The following SMIM26 variants were observed in gnomAD, a reference collection of about 807,000 sequenced individuals.
SMIM26 encodes the protein long intergenic non-protein coding RNA 493.
Under a neutral mutation model 2.5 loss-of-function variants are expected in SMIM26, and 2 were observed. That is an observed-to-expected ratio of 0.80 (90% CI 0.33 to 2.53). The LOEUF (loss-of-function observed/expected upper bound fraction) is 2.53. Among genes scored for constraint, SMIM26 ranks in the 30% most tolerant of loss-of-function variants. The pLI is 0.11. For synonymous variants in SMIM26, 32 were observed against 17.8 expected, an observed-to-expected ratio of 1.80 and a Z score of -2.01; for missense variants, 77 against 46.1, an observed-to-expected ratio of 1.67 and a Z score of -1.94.
chr20:18,568,545 AT>A (rs1179380715), intron 1 of SMIM26: 4 of 151,380 alleles, frequency 2.6e-5, no homozygotes, highest in Non-Finnish European at 5.9e-5. Flanking sequence ...TATGGTAAAA[AT>A]ACTTTACATT....
In SMIM26 at chr20:18,569,317, T is replaced by G; in HGVS notation, c.200T>G (p.Val67Gly). 1 of 702,870 alleles carries G rather than the reference T, an allele frequency of 1.4e-6. No individual in the cohort carries two copies. Among genetic ancestry groups the G allele is most frequent in the South Asian group, 1.5e-5 (1 of 67,606 alleles). 43.5% of individuals were successfully genotyped at this position (702,870 alleles called of 1,614,324 possible). ...RPKGFYVETVVTYKEDFVPNT... is the reference protein window; with the variant it reads ...RPKGFYVETVGTYKEDFVPNT... ...AAAGGATTTTATGTGGAAACAGTTG[T>G]CACATATAAAGAAGATTTTGTTCCA... Residue 67 changes from valine to glycine, a missense_variant, in exon 2 of 2, where the codon GTC (valine) becomes GGC (glycine). By Grantham distance (109) the Val-to-Gly change is moderately radical. Coordinates refer to ENST00000411646, the MANE Select transcript of SMIM26 (RefSeq NM_001348957.2).
intron 1 of SMIM26, among the ~76,000 whole-genome samples, chr20:18,568,292 C>T (rs1216122977): frequency 6.6e-6 from 1 of 152,126 alleles, no homozygotes; most frequent in Non-Finnish European, 1.5e-5. Context: ...CTGAAGATTA[C>T]ATTTGGTGAT....
At position 18,567,524 on chromosome 20, in the gene SMIM26, G is replaced by A; in HGVS notation, c.46G>A (p.Val16Ile). The A allele has an allele frequency of 1.4e-6, 1 of 703,066 alleles. No individual in the cohort carries two copies. Among genetic ancestry groups the A allele is most frequent in the Non-Finnish European group, 2.6e-6 (1 of 385,022 alleles). 43.6% of individuals were successfully genotyped at this position (703,066 alleles called of 1,614,324 possible). A position where few individuals can be genotyped will look rare whatever the true frequency, so the allele number is the denominator to read the frequency against. ...FTAWYRRMSV[V>I]YGIGTWSVLG... ...GGCCTGGTACCGGCGGATGTCGGTG[G>A]TCTACGGGATCGGCACCTGGTCTGT... Residue 16 changes from valine to isoleucine, a missense_variant, in exon 1 of 2, where the codon GTC (valine) becomes ATC (isoleucine). Transcript: ENST00000411646.
At chr20:18,568,281 G>T (rs2060521177) in intron 1 of SMIM26, among the ~76,000 whole-genome samples, 1 of 152,192 alleles carries the variant, frequency 6.6e-6, no homozygotes, top group Admixed American at 6.5e-5. Context: ...TAAAAACTAT[G>T]CTGAAGATTA....
chr20:18,569,204 C>CTTTTTTTTTTTTTT, intron 1 of SMIM26, 32 bp from the exon 2 acceptor site: 1 of 581,866 alleles, frequency 1.7e-6, no homozygotes, highest in Non-Finnish European at 3.1e-6. Flanking sequence ...TTCAGGTGTT[C>CTTTTTTTTTTTTTT]TTTTTTTTTT....
At chr20:18,568,060 A>G (rs1256901313) in intron 1 of SMIM26, among the ~76,000 whole-genome samples, 1 of 152,178 alleles carries the variant, frequency 6.6e-6, no homozygotes, top group Non-Finnish European at 1.5e-5. Context: ...ATCTGTAGAG[A>G]CATTAAGTTG....
In SMIM26 at chr20:18,569,306, G is replaced by A. The variant is rs936374227; in HGVS notation, c.189G>A (p.Val63=). The change falls in exon 2 of 2, where the codon GTG becomes GTA. Residue 63 remains valine (V), a synonymous_variant. Coordinates refer to ENST00000411646, the MANE Select transcript of SMIM26 (RefSeq NM_001348957.2). ...ELSERPKGFY[V]ETVVTYKEDF... ...CTGAACGCCCAAAAGGATTTTATGT[G>A]GAAACAGTTGTCACATATAAAGAAG... The A allele has an allele frequency of 1.3e-5, 9 of 702,470 alleles. No homozygotes were observed. Among genetic ancestry groups the A allele is most frequent in the Non-Finnish European group, 2.3e-5 (9 of 384,932 alleles). 43.5% of individuals were successfully genotyped at this position (702,470 alleles called of 1,614,324 possible).
intron 1 of SMIM26, among the ~76,000 whole-genome samples, chr20:18,568,097 G>GGTTGGGGA (rs1409789327): frequency 6.6e-6 from 1 of 152,190 alleles, no homozygotes; most frequent in Admixed American, 6.5e-5. Context: ...GGGGCTGAGG[G>GGTTGGGGA]GTTGGGGAGT....
chr20:18,567,575 C>T lies in SMIM26; in HGVS notation c.97C>T (p.Arg33Trp). ...GTTGGGCTCACTGCTTTACTATAGC[C>T]GGACAATGGCGAAGTCGTCAGGTAG... ...SVLGSLLYYS[R>W]TMAKSSVDQK... is the part of the protein sequence containing the mutation. Residue 33 changes from arginine to tryptophan, a missense_variant, in exon 1 of 2, where the codon CGG (arginine) becomes TGG (tryptophan). Physicochemically the swap from Arg to Trp is moderately radical, Grantham distance 101. Transcript: ENST00000411646. 1.4e-6 allele frequency: 1 copy of T among 703,042 alleles called. No individual in the cohort carries two copies. The highest frequency in any genetic ancestry group is 1.7e-5 in the African/African-American group (1 of 57,386). 43.6% of individuals were successfully genotyped at this position (703,042 alleles called of 1,614,324 possible). A position where few individuals can be genotyped will look rare whatever the true frequency, so the allele number is the denominator to read the frequency against.
chr20:18,569,429 A>G lies in SMIM26; in HGVS notation c.*24A>G. On this transcript the variant is annotated 3_prime_UTR_variant, in exon 2 of 2. Coordinates refer to ENST00000411646, the MANE Select transcript of SMIM26 (RefSeq NM_001348957.2). ...GACTGGCTGCTGAATTCTGAAAACCAGGACTTGGTTCAACATTTAAATTTG... is the reference window on the plus strand; with the variant it reads ...GACTGGCTGCTGAATTCTGAAAACCGGGACTTGGTTCAACATTTAAATTTG... 3 of 702,894 alleles carry G rather than the reference A, an allele frequency of 4.3e-6. No individual in the cohort carries two copies. Among genetic ancestry groups the G allele is most frequent in the Non-Finnish European group, 7.8e-6 (3 of 384,966 alleles). 43.5% of individuals were successfully genotyped at this position (702,894 alleles called of 1,614,324 possible).
Position 18,569,477 on chromosome 20 carries a change from T to A in SMIM26, c.*72T>A. 1.4e-6 allele frequency: 1 copy of A among 702,298 alleles called. No homozygotes were observed. The highest frequency in any genetic ancestry group is 2.6e-6 in the Non-Finnish European group (1 of 384,808). The allele number at this position is 702,298 out of a possible 1,614,324, so 43.5% of individuals were successfully genotyped here. Reference sequence around the variant, plus strand: ...TTGATAGTTGCCCTGATTCCCATTTTGGGTTTGTGAAAAGTGTATGTATTT... The same window carrying A: ...TTGATAGTTGCCCTGATTCCCATTTAGGGTTTGTGAAAAGTGTATGTATTT... On this transcript the variant is annotated 3_prime_UTR_variant, in exon 2 of 2. Transcript: ENST00000411646.
At chr20:18,568,253 C>T (rs1370783409) in intron 1 of SMIM26, among the ~76,000 whole-genome samples, 5 of 152,186 alleles carry the variant, frequency 3.3e-5, no homozygotes, top group Non-Finnish European at 1.5e-5. Flanking sequence ...TTAATTATAT[C>T]TCAGTAAAGT....
chr20:18,568,583 G>T (rs1191656829), intron 1 of SMIM26: 6 of 150,882 alleles, frequency 4.0e-5, no homozygotes, highest in African/African-American at 1.5e-4. Context: ...ATATTTTAAT[G>T]TCCATATTTA....
intron 1 of SMIM26, chr20:18,568,941 A>G: frequency 4.2e-6 from 1 of 239,094 alleles, no homozygotes. Context: ...ACGCCCAGCT[A>G]ATTTTTGTAT....
In SMIM26 at chr20:18,569,331, G is replaced by A. The variant is rs2060524304; in HGVS notation, c.214G>A (p.Asp72Asn). 2.8e-6 allele frequency: 2 copies of A among 702,684 alleles called. No individual in the cohort carries two copies. Among genetic ancestry groups the A allele is most frequent in the Non-Finnish European group, 5.2e-6 (2 of 384,962 alleles). 43.5% of individuals were successfully genotyped at this position (702,684 alleles called of 1,614,324 possible). Residue 72 changes from aspartate (D) to asparagine (N), a missense_variant, in exon 2 of 2, where the codon GAT becomes AAT. Coordinates refer to ENST00000411646, the MANE Select transcript of SMIM26 (RefSeq NM_001348957.2). ...YVETVVTYKEDFVPNTEKILN... is the reference protein window; with the variant it reads ...YVETVVTYKENFVPNTEKILN... ...GGAAACAGTTGTCACATATAAAGAA[G>A]ATTTTGTTCCAAATACAGAAAAGAT...
intron 1 of SMIM26, 32 bp from the exon 2 acceptor site, chr20:18,569,204 C>CT (rs11475239): frequency 0.21 from 117,743 of 572,684 alleles, 4,551 homozygotes; most frequent in East Asian, 0.37. Flanking sequence ...TTCAGGTGTT[C>CT]TTTTTTTTTT....
Position 18,569,537 on chromosome 20 carries a change from C to A in SMIM26, c.*132C>A. The A allele has an allele frequency of 1.6e-6, 1 of 632,638 alleles. No individual in the cohort carries two copies. The allele number at this position is 632,638 out of a possible 1,614,324, so 39.2% of individuals were successfully genotyped here. ...GTAAAACATAATCACTAATAATATG[C>A]AATAAATATTTTCTTGAAGGAAACT... On this transcript the variant is annotated 3_prime_UTR_variant, in exon 2 of 2. Coordinates refer to ENST00000411646, the MANE Select transcript of SMIM26 (RefSeq NM_001348957.2).
intron 1 of SMIM26, 167 bp from the exon 2 acceptor site, chr20:18,569,069 C>A (rs1216627292): frequency 5.6e-6 from 3 of 540,078 alleles, no homozygotes; most frequent in Non-Finnish European, 9.8e-6. Flanking sequence ...CGTGAGCCAC[C>A]GCACCCAGCT....
intron 1 of SMIM26, among the ~76,000 whole-genome samples, chr20:18,567,949 C>G (rs1256217460): frequency 6.6e-6 from 1 of 152,092 alleles, no homozygotes; most frequent in Non-Finnish European, 1.5e-5. Context: ...TCGTATATGG[C>G]GAGCAATTTC....
Sources: gnomAD v4.1 joint callset for allele counts (sites outside exome capture counted in the v4.1 genomes callset) on GRCh38, gnomAD v4.1.1 for gene constraint, MANE v1.5 for transcripts, NCBI Gene and HGNC (gene_info 2026-07-23, HGNC 2026-07-21) for gene names.